The following SV2C variants were observed in gnomAD, a reference collection of about 807,000 sequenced individuals.
The protein encoded by SV2C is synaptic vesicle glycoprotein 2C.
In SV2C, 49 loss-of-function variants were observed where a neutral mutation model predicts 79.7. The ratio of observed to expected loss-of-function variants is 0.61; its 90% CI spans 0.49 to 0.78. The LOEUF (loss-of-function observed/expected upper bound fraction) is 0.78, where lower values mean the gene tolerates loss of function less well. Among genes scored for constraint, SV2C ranks in the 30% least tolerant of loss-of-function variants. The pLI is 0.00. For missense variants in SV2C, 833 were observed against 912.9 expected, an observed-to-expected ratio of 0.91 and a Z score of 1.13; for synonymous variants, 334 against 333.2, an observed-to-expected ratio of 1.00 and a Z score of -0.03.
At chr5:76,186,936 T>C (rs1019971196) in intron 2 of SV2C, among the ~76,000 whole-genome samples, 27 of 152,168 alleles carry the variant, frequency 1.8e-4, no homozygotes, top group Admixed American at 1.7e-3. Context: ...CCTTGACACA[T>C]GGGGATTATT....
At chr5:75,963,560 T>G in the SV2C span, among the ~76,000 whole-genome samples, 292 of 152,272 alleles carry the variant, frequency 1.9e-3, no homozygotes, top group Middle Eastern at 3.4e-3. Flanking sequence ...TTCCTTTTTA[T>G]TTTTCCTTTT....
At position 76,298,784 on chromosome 5, in the gene SV2C, T is replaced by G. The variant is rs542879647; in HGVS notation, c.1503-10T>G. 7 of 1,612,992 alleles carry G rather than the reference T, an allele frequency of 4.3e-6. No individual in the cohort carries two copies. In the African/African-American group the frequency reaches 9.3e-5, roughly 22 times the overall value. The stretch of plus-strand genomic sequence containing the variant: ...ATTGATTGATATGAATTTTTCTGTG[T>G]GTTGGGCAGATTCATAGGGGTCAAG... On this transcript the variant is annotated splice_polypyrimidine_tract_variant and intron_variant, in intron 9 of 12. Coordinates refer to ENST00000502798, the MANE Select transcript of SV2C (RefSeq NM_014979.4).
intron 4 of SV2C, among the ~76,000 whole-genome samples, chr5:76,274,830 T>C (rs1746975436): frequency 6.6e-6 from 1 of 152,178 alleles, no homozygotes; most frequent in African/African-American, 2.4e-5. Flanking sequence ...GGATTAATGT[T>C]TCATGCAGAT....
chr5:76,347,783 T>C (rs1278179889), intron 12 of SV2C, among the ~76,000 whole-genome samples: 1 of 152,160 alleles, frequency 6.6e-6, no homozygotes, highest in African/African-American at 2.4e-5. Flanking sequence ...TTAGAACGGT[T>C]TTAGGCTCAT....
chr5:76,131,081 G>C, intron 1 of SV2C, among the ~76,000 whole-genome samples: 1 of 152,192 alleles, frequency 6.6e-6, no homozygotes, highest in East Asian at 1.9e-4. Context: ...TGCCATGTGA[G>C]TCTCTGTTAC....
the SV2C span, among the ~76,000 whole-genome samples, chr5:76,001,545 C>T: frequency 1.7e-4 from 26 of 151,502 alleles, no homozygotes; most frequent in African/African-American, 5.6e-4. Flanking sequence ...GAGCTTGCAG[C>T]GCCACTGCAC....
chr5:76,063,014 G>A, the SV2C span, among the ~76,000 whole-genome samples: 67 of 152,152 alleles, frequency 4.4e-4, no homozygotes, highest in African/African-American at 1.5e-3. Context: ...AGATGGTGAG[G>A]GCTTTCTTCA....
the SV2C span, among the ~76,000 whole-genome samples, chr5:76,038,581 A>G: frequency 6.3e-4 from 96 of 152,378 alleles, no homozygotes; most frequent in African/African-American, 2.3e-3. Flanking sequence ...TCAGGCACAT[A>G]ATGAGTGATA....
the SV2C span, among the ~76,000 whole-genome samples, chr5:75,915,006 C>T: frequency 2.0e-5 from 3 of 152,146 alleles, no homozygotes; most frequent in Non-Finnish European, 2.9e-5. Flanking sequence ...AGGGAAACTC[C>T]CCTTTTTAAA....
intron 9 of SV2C, among the ~76,000 whole-genome samples, chr5:76,296,656 C>G (rs955568220): frequency 6.6e-6 from 1 of 152,146 alleles, no homozygotes; most frequent in Non-Finnish European, 1.5e-5. Context: ...TAGTTTACAT[C>G]ATTCTTAGGA....
the SV2C span, among the ~76,000 whole-genome samples, chr5:75,937,926 T>G: frequency 1.3e-5 from 2 of 151,894 alleles, no homozygotes; most frequent in South Asian, 2.1e-4. Context: ...TTCTTTTAAT[T>G]ATCAATTTTT....
At chr5:76,012,370 C>G in the SV2C span, among the ~76,000 whole-genome samples, 1 of 152,180 alleles carries the variant, frequency 6.6e-6, no homozygotes, top group East Asian at 1.9e-4. Flanking sequence ...TGATGATGAT[C>G]TTTTTATCAT....
the SV2C span, among the ~76,000 whole-genome samples, chr5:76,042,103 G>A: frequency 2.0e-5 from 3 of 152,138 alleles, no homozygotes; most frequent in Non-Finnish European, 4.4e-5. Context: ...CACAGGGTCT[G>A]GTTACTCTGG....
chr5:76,241,212 T>C (rs1227807899), intron 4 of SV2C, among the ~76,000 whole-genome samples: 1 of 146,858 alleles, frequency 6.8e-6, no homozygotes, highest in African/African-American at 2.6e-5. Flanking sequence ...CAAGCCAAAC[T>C]GTATCCAGCT....
the SV2C span, among the ~76,000 whole-genome samples, chr5:75,901,360 T>C: frequency 6.6e-6 from 1 of 152,312 alleles, no homozygotes; most frequent in Admixed American, 6.5e-5. Context: ...CTCCAGACTG[T>C]GTTTGCCTGG....
intron 2 of SV2C, among the ~76,000 whole-genome samples, chr5:76,154,086 T>G (rs768046045): frequency 4.6e-5 from 7 of 152,128 alleles, no homozygotes; most frequent in Non-Finnish European, 1.0e-4. Context: ...TGAGGTGCTG[T>G]CAGGATTGGT....
chr5:76,030,737 G>T, the SV2C span, among the ~76,000 whole-genome samples: 1 of 151,340 alleles, frequency 6.6e-6, no homozygotes, highest in Non-Finnish European at 1.5e-5. Context: ...ACTCCAGCCT[G>T]GGCAACAGAG....
At chr5:76,274,905 CA>C (rs1746977519) in intron 4 of SV2C, among the ~76,000 whole-genome samples, 1 of 152,048 alleles carries the variant, frequency 6.6e-6, no homozygotes, top group South Asian at 2.1e-4. Flanking sequence ...TCTGTAGGAA[CA>C]AAATCAGAAA....
the SV2C span, among the ~76,000 whole-genome samples, chr5:75,872,327 C>T: frequency 6.6e-6 from 1 of 151,784 alleles, no homozygotes; most frequent in Non-Finnish European, 1.5e-5. Flanking sequence ...AAATTCTTCC[C>T]AAATTAATTT....
Sources: gnomAD v4.1 joint callset for allele counts (sites outside exome capture counted in the v4.1 genomes callset) on GRCh38, gnomAD v4.1.1 for gene constraint, MANE v1.5 for transcripts, NCBI Gene and HGNC (gene_info 2026-07-23, HGNC 2026-07-21) for gene names.